Variants in PKD1L3 observed in about 807,000 individuals in gnomAD.
PKD1L3 encodes polycystin 1 like 3, transient receptor potential channel interacting, also known as polycystin-1-like protein 3.
Under a neutral mutation model 184.1 loss-of-function variants are expected in PKD1L3, and 239 were observed. The ratio of observed to expected loss-of-function variants is 1.30; its 90% CI spans 1.17 to 1.45. The LOEUF (loss-of-function observed/expected upper bound fraction) is 1.45, where lower values mean the gene tolerates loss of function less well. Among genes scored for constraint, PKD1L3 ranks in the 40% most tolerant of loss-of-function variants. The pLI is 0.00. For synonymous variants in PKD1L3, 996 were observed against 778.8 expected (o/e 1.28, Z -4.64); for missense variants, 2,660 against 2,067.2 (o/e 1.29, Z -5.56).
Position 71,947,518 on chromosome 16 carries a change from TGTTG to T in PKD1L3, c.3688_3691del (p.Gln1230LysfsTer28), listed in dbSNP as rs1667056045. The T allele has an allele frequency of 1.3e-6, 2 of 1,521,888 alleles. No individual in the cohort carries two copies. The highest frequency in any genetic ancestry group is 2.9e-5 in the African/African-American group (2 of 70,082). 94.3% of individuals were successfully genotyped at this position (1,521,888 alleles called of 1,614,324 possible). A position where few individuals can be genotyped will look rare whatever the true frequency, so the allele number is the denominator to read the frequency against. On this transcript the variant is annotated frameshift_variant, in exon 22 of 30. Coordinates refer to ENST00000620267, the MANE Select transcript of PKD1L3 (RefSeq NM_181536.2). LOFTEE classifies it high-confidence loss of function. ...CAAGAGTGCCAAGATCCTCTTTGTT[TGTTG>T]TTCATTCTCTTTGTTAAGCCGTGGC...
Position 71,952,880 on chromosome 16 carries a change from G to T in PKD1L3, c.3009+14C>A, listed in dbSNP as rs773332408. The T allele has an allele frequency of 2.6e-6, 4 of 1,526,054 alleles. No homozygotes were observed. The highest frequency in any genetic ancestry group is 1.2e-5 in the South Asian group (1 of 80,118). The allele number at this position is 1,526,054 out of a possible 1,614,324, so 94.5% of individuals were successfully genotyped here. A position where few individuals can be genotyped will look rare whatever the true frequency, so the allele number is the denominator to read the frequency against. On this transcript the variant is annotated intron_variant, in intron 18 of 29. Coordinates refer to ENST00000620267, the MANE Select transcript of PKD1L3 (RefSeq NM_181536.2). ...AATAAAATAAGATAAAATAAAATTT[G>T]ATACCAATCTTACCTCAACTACCAT...
chr16:71,930,014 G>A (rs1440752133), intron 29 of PKD1L3, 38 bp downstream of exon 29: 2 of 1,531,408 alleles, frequency 1.3e-6, no homozygotes. Context: ...CTTTCCCAGT[G>A]ATATAACAGC....
chr16:71,996,468 G>A (rs922226138), intron 2 of PKD1L3, among the ~76,000 whole-genome samples: 1 of 151,900 alleles, frequency 6.6e-6, no homozygotes, highest in African/African-American at 2.4e-5. Flanking sequence ...CACCATGTTG[G>A]CCAGGATGGT....
intron 5 of PKD1L3, 62 bp from the exon 6 acceptor site, chr16:71,984,229 G>A (rs185519248): frequency 2.7e-6 from 4 of 1,486,180 alleles, no homozygotes; most frequent in Non-Finnish European, 3.6e-6. Context: ...GTAGTAGTCA[G>A]GGAGATTATT....
chr16:71,974,562 C>T (rs2039847143), intron 11 of PKD1L3, among the ~76,000 whole-genome samples: 1 of 152,098 alleles, frequency 6.6e-6, no homozygotes, highest in Non-Finnish European at 1.5e-5. Context: ...TATGCGCCTG[C>T]AGTCCCAGCT....
chr16:71,975,377 G>C (rs1047954675), intron 11 of PKD1L3, among the ~76,000 whole-genome samples: 1 of 152,098 alleles, frequency 6.6e-6, no homozygotes, highest in Non-Finnish European at 1.5e-5. Flanking sequence ...TAACTGTAAT[G>C]TTATGTCTCA....
intron 24 of PKD1L3, among the ~76,000 whole-genome samples, chr16:71,937,772 G>T (rs554352731): frequency 6.6e-6 from 1 of 152,114 alleles, no homozygotes; most frequent in South Asian, 2.1e-4. Flanking sequence ...GAGTACTAAC[G>T]GTATCCCATG....
intron 4 of PKD1L3, 66 bp downstream of exon 4, chr16:71,990,214 C>G: frequency 7.4e-7 from 1 of 1,343,866 alleles, no homozygotes; most frequent in Non-Finnish European, 1.0e-6. Flanking sequence ...GAGCTCTAAC[C>G]AGATCTACTA....
At chr16:71,946,907 G>GGA (rs1186788901) in intron 22 of PKD1L3, among the ~76,000 whole-genome samples, 1 of 55,976 alleles carries the variant, frequency 1.8e-5, no homozygotes, top group Non-Finnish European at 3.9e-5. Flanking sequence ...AGAGGGAGGG[G>GGA]GAGAGAGAGA....
intron 16 of PKD1L3, among the ~76,000 whole-genome samples, chr16:71,958,913 G>C (rs7186712): frequency 0.47 from 70,288 of 148,456 alleles, 17,170 homozygotes; most frequent in Middle Eastern, 0.58. Context: ...AGAGTGAAAC[G>C]CCGTCTCTAA....
intron 13 of PKD1L3, among the ~76,000 whole-genome samples, chr16:71,968,694 C>T (rs1446410574): frequency 2.0e-5 from 3 of 152,040 alleles, no homozygotes; most frequent in Non-Finnish European, 4.4e-5. Flanking sequence ...CTCCCAGGTT[C>T]AAGTGATCCT....
chr16:71,976,203 C>T (rs1242849686), intron 11 of PKD1L3, among the ~76,000 whole-genome samples: 1 of 149,540 alleles, frequency 6.7e-6, no homozygotes. Context: ...CTGCCTCTGC[C>T]TCCCAAAGTG....
intron 22 of PKD1L3, among the ~76,000 whole-genome samples, 186 bp from the exon 23 acceptor site, chr16:71,944,356 G>A (rs931239675): frequency 6.6e-6 from 1 of 152,052 alleles, no homozygotes; most frequent in African/African-American, 2.4e-5. Flanking sequence ...CAATCAATTG[G>A]GGACTGATAC....
intron 4 of PKD1L3, among the ~76,000 whole-genome samples, chr16:71,988,185 G>T (rs2040447530): frequency 6.6e-6 from 1 of 152,072 alleles, no homozygotes; most frequent in African/African-American, 2.4e-5. Flanking sequence ...AAATGTAAAA[G>T]TTCATTTGTA....
chr16:71,935,057 T>G (rs937251880), intron 26 of PKD1L3, among the ~76,000 whole-genome samples: 1 of 152,228 alleles, frequency 6.6e-6, no homozygotes, highest in Non-Finnish European at 1.5e-5. Flanking sequence ...GCGTTAGGCT[T>G]TATGCCTTCG....
chr16:71,953,145 CAA>C (rs35601686), intron 17 of PKD1L3, 52 bp from the exon 18 acceptor site: 326,876 of 1,353,102 alleles, frequency 0.24, 42,376 homozygotes, highest in Middle Eastern at 0.28. Context: ...AAAATAATCG[CAA>C]AGTCATTCCT....
At position 71,967,313 on chromosome 16, in the gene PKD1L3, A is replaced by T; in HGVS notation, c.2289T>A (p.Val763=). 1.9e-6 allele frequency: 3 copies of T among 1,550,136 alleles called. No homozygotes were observed. The highest frequency in any genetic ancestry group is 2.6e-6 in the Non-Finnish European group (3 of 1,146,332). The change falls in exon 15 of 30, where the codon GTT becomes GTA. Residue 763 remains valine, a splice_region_variant and synonymous_variant. Transcript: ENST00000620267. ...CCTCTGATCCATAGAGGGTGATGACAACCTACAATGAGACAGGGAAAGATA... is the reference window on the plus strand; with the variant it reads ...CCTCTGATCCATAGAGGGTGATGACTACCTACAATGAGACAGGGAAAGATA... ...YRRSAATTAK[V]VITLYGSEGR...
chr16:71,936,508 CTT>C (rs1212505095), intron 25 of PKD1L3, among the ~76,000 whole-genome samples: 1 of 135,596 alleles, frequency 7.4e-6, no homozygotes, highest in African/African-American at 2.7e-5. Context: ...TGGCCAATCA[CTT>C]TTTTTTTTCT....
intron 11 of PKD1L3, among the ~76,000 whole-genome samples, chr16:71,976,323 T>G (rs1597351025): frequency 7.3e-6 from 1 of 137,400 alleles, no homozygotes; most frequent in East Asian, 2.3e-4. Context: ...TGGTGCGATC[T>G]TGGCTCACGG....
Sources: gnomAD v4.1 joint callset for allele counts (sites outside exome capture counted in the v4.1 genomes callset) on GRCh38, gnomAD v4.1.1 for gene constraint, MANE v1.5 for transcripts, NCBI Gene and HGNC (gene_info 2026-07-23, HGNC 2026-07-21) for gene names.